Variants in ERC2 observed in about 807,000 individuals in gnomAD.
The protein encoded by ERC2 is ELKS/RAB6-interacting/CAST family member 2.
ERC2 carries 42 observed loss-of-function variants against 114.8 expected under a neutral mutation model. That is an observed-to-expected ratio of 0.37 (90% confidence interval 0.29 to 0.47). The LOEUF (loss-of-function observed/expected upper bound fraction) is 0.47, where lower values mean the gene tolerates loss of function less well. Ranked by LOEUF, ERC2 falls within the 20% of genes least tolerant of loss-of-function variation. ERC2 has a pLI of 0.99. For synonymous variants in ERC2, 454 were observed against 425.5 expected, an observed-to-expected ratio of 1.07 and a Z score of -0.82; for missense variants, 939 against 1,150.7, an observed-to-expected ratio of 0.82 and a Z score of 2.66.
At chr3:56,083,984 T>C (rs2077374785) in intron 6 of ERC2, among the ~76,000 whole-genome samples, 1 of 150,956 alleles carries the variant, frequency 6.6e-6, no homozygotes, top group Non-Finnish European at 1.5e-5. Flanking sequence ...TGCTTCCTTA[T>C]CCTATAGGCA....
At chr3:56,073,060 A>G (rs1384194959) in intron 7 of ERC2, among the ~76,000 whole-genome samples, 1 of 152,110 alleles carries the variant, frequency 6.6e-6, no homozygotes, top group Admixed American at 6.5e-5. Context: ...CACCATACAC[A>G]CTCATGTGCA....
intron 3 of ERC2, among the ~76,000 whole-genome samples, chr3:56,273,265 T>TC (rs1245348773): frequency 1.8e-4 from 27 of 147,964 alleles, no homozygotes; most frequent in Non-Finnish European, 3.3e-4. Flanking sequence ...TTTCTTTCTT[T>TC]TTTTTTTTTT....
At chr3:55,601,194 T>C (rs970652695) in intron 17 of ERC2, among the ~76,000 whole-genome samples, 3 of 152,182 alleles carry the variant, frequency 2.0e-5, no homozygotes, top group Non-Finnish European at 4.4e-5. Flanking sequence ...ATCTGTTTTT[T>C]TCCAAAAACC....
At chr3:56,077,240 T>G (rs532514431) in intron 7 of ERC2, among the ~76,000 whole-genome samples, 1 of 152,334 alleles carries the variant, frequency 6.6e-6, no homozygotes, top group Admixed American at 6.5e-5. Flanking sequence ...TTATTTCCCT[T>G]TCACATTGCA....
intron 2 of ERC2, among the ~76,000 whole-genome samples, chr3:56,354,486 G>A (rs891817846): frequency 2.2e-4 from 34 of 152,132 alleles, no homozygotes; most frequent in African/African-American, 6.0e-4. Context: ...CAGGGATGCC[G>A]CTAGACCTCT....
chr3:55,793,746 G>T (rs1474049903), intron 14 of ERC2, among the ~76,000 whole-genome samples: 7 of 151,840 alleles, frequency 4.6e-5, no homozygotes, highest in African/African-American at 1.7e-4. Flanking sequence ...TAGGGCCCCC[G>T]TCTACACCTA....
intron 15 of ERC2, among the ~76,000 whole-genome samples, chr3:55,732,214 C>T (rs535873880): frequency 1.3e-5 from 2 of 152,270 alleles, no homozygotes; most frequent in East Asian, 3.9e-4. Context: ...CAAGACCCAG[C>T]ATGGAGTAAA....
intron 14 of ERC2, among the ~76,000 whole-genome samples, chr3:55,853,054 G>C (rs1464503607): frequency 6.6e-6 from 1 of 152,178 alleles, no homozygotes; most frequent in Non-Finnish European, 1.5e-5. Flanking sequence ...AATGTCTCCA[G>C]TTGTCAAATA....
intron 2 of ERC2, among the ~76,000 whole-genome samples, chr3:56,310,970 T>C (rs1327618911): frequency 6.6e-6 from 1 of 151,976 alleles, no homozygotes; most frequent in African/African-American, 2.4e-5. Flanking sequence ...AACACAATGC[T>C]GTAGGATAGT....
At chr3:55,701,696 CA>C (rs879628087) in intron 15 of ERC2, among the ~76,000 whole-genome samples, 1 of 152,178 alleles carries the variant, frequency 6.6e-6, no homozygotes, top group Non-Finnish European at 1.5e-5. Flanking sequence ...ACCCAATGGG[CA>C]AGTTATGCCT....
chr3:56,047,518 A>G (rs565380906), intron 7 of ERC2, among the ~76,000 whole-genome samples: 120 of 152,326 alleles, frequency 7.9e-4, no homozygotes, highest in African/African-American at 2.7e-3. Context: ...AAAATGTACA[A>G]TGAACCAACT....
At chr3:55,621,623 T>C (rs2059333213) in intron 17 of ERC2, among the ~76,000 whole-genome samples, 1 of 152,156 alleles carries the variant, frequency 6.6e-6, no homozygotes, top group Admixed American at 6.5e-5. Context: ...TGCAAAGTGT[T>C]AACAGGTAAC....
At position 56,434,885 on chromosome 3, in the gene ERC2, G is replaced by A; in HGVS notation, c.123C>T (p.Gly41=). The change falls in exon 2 of 18, where the codon GGC becomes GGT. Residue 41 remains glycine, a synonymous_variant. Coordinates refer to ENST00000288221, the MANE Select transcript of ERC2 (RefSeq NM_015576.3). Reference sequence around the variant, plus strand: ...GGATATTCTCCATAGACAGAGTCTTGCCTGTTCCTCCACCTCCCCCACTAC... The same window carrying A: ...GGATATTCTCCATAGACAGAGTCTTACCTGTTCCTCCACCTCCCCCACTAC... The part of the protein sequence containing the change: ...RTSSGGGGGT[G]KTLSMENIQS... The A allele has an allele frequency of 6.2e-7, 1 of 1,613,826 alleles. No homozygotes were observed. The highest frequency in any genetic ancestry group is 8.5e-7 in the Non-Finnish European group (1 of 1,179,864).
intron 10 of ERC2, among the ~76,000 whole-genome samples, chr3:55,999,456 G>A (rs2071859983): frequency 6.6e-6 from 1 of 152,066 alleles, no homozygotes; most frequent in African/African-American, 2.4e-5. Flanking sequence ...CTCTGACATA[G>A]TGTAGACTGT....
chr3:56,319,610 G>C (rs1004895092), intron 2 of ERC2, among the ~76,000 whole-genome samples: 2 of 151,950 alleles, frequency 1.3e-5, no homozygotes, highest in Non-Finnish European at 2.9e-5. Flanking sequence ...ATTTATGAAG[G>C]GGGTAGATTT....
At chr3:55,886,490 CAAAT>C (rs2063351750) in intron 14 of ERC2, among the ~76,000 whole-genome samples, 3 of 152,254 alleles carry the variant, frequency 2.0e-5, no homozygotes, top group South Asian at 2.1e-4. Flanking sequence ...GAAACTTTCT[CAAAT>C]AAACCATTTT....
At chr3:55,989,387 T>C (rs2070880200) in intron 11 of ERC2, among the ~76,000 whole-genome samples, 1 of 152,366 alleles carries the variant, frequency 6.6e-6, no homozygotes, top group Non-Finnish European at 1.5e-5. Context: ...TTATAGTAGC[T>C]TGTCCTGATT....
intron 2 of ERC2, among the ~76,000 whole-genome samples, chr3:56,425,681 A>G (rs6790421): frequency 0.044 from 6,516 of 149,774 alleles, 362 homozygotes; most frequent in African/African-American, 0.12. Context: ...AAGGTCCTTT[A>G]AGATTTCATT....
In ERC2 at chr3:55,606,009, A is replaced by G. The variant is rs111247786; in HGVS notation, c.*39+77785T>C. ...ATAAAAGTCAGACCCAGGAGAGTTG[A>G]GTACAGACGGTTGCACAAGAAGCAT... On this transcript the variant is annotated intron_variant, in intron 17 of 17. Transcript: ENST00000288221. Among the ~76,000 whole-genome samples the G allele has an allele frequency of 2.1e-3, 318 of 152,344 alleles. 1 individual carries two copies. Among genetic ancestry groups the G allele is most frequent in the African/African-American group, 7.1e-3 (296 of 41,588 alleles).
Sources: gnomAD v4.1 joint callset for allele counts (sites outside exome capture counted in the v4.1 genomes callset) on GRCh38, gnomAD v4.1.1 for gene constraint, MANE v1.5 for transcripts, NCBI Gene and HGNC (gene_info 2026-07-23, HGNC 2026-07-21) for gene names.